Variants in PRMT7 observed in about 807,000 individuals in gnomAD.
The protein encoded by PRMT7 is protein arginine methyltransferase 7.
Under a neutral mutation model 85.4 loss-of-function variants are expected in PRMT7, and 75 were observed. The ratio of observed to expected loss-of-function variants is 0.88; its 90% CI spans 0.73 to 1.06. The LOEUF (loss-of-function observed/expected upper bound fraction) is 1.06. Ranked by LOEUF, PRMT7 falls within the 50% of genes least tolerant of loss-of-function variation. The pLI, the probability that PRMT7 is intolerant of heterozygous loss-of-function variation, is 0.00. For synonymous variants in PRMT7, 397 were observed against 359.5 expected (o/e 1.10, Z -1.18); for missense variants, 868 against 915.2 (o/e 0.95, Z 0.67).
At position 68,311,068 on chromosome 16, in the gene PRMT7, A is replaced by C. The variant is rs1354448200; in HGVS notation, c.-250A>C. 1.3e-6 allele frequency: 1 copy of C among 772,334 alleles called. No individual in the cohort carries two copies. The highest frequency in any genetic ancestry group is 1.5e-5 in the South Asian group (1 of 67,928). The allele number at this position is 772,334 out of a possible 1,614,324, so 47.8% of individuals were successfully genotyped here. A position where few individuals can be genotyped will look rare whatever the true frequency, so the allele number is the denominator to read the frequency against. On this transcript the variant is annotated 5_prime_UTR_variant, in exon 1 of 19. Transcript: ENST00000441236. ...TGCTGGCCGCGGTAAAAGTGGTAGC[A>C]GCGGAGGCGAGCGGAGGGTTTCCCG...
At chr16:68,314,811 C>A (rs1156705938) in intron 2 of PRMT7, among the ~76,000 whole-genome samples, 1 of 152,090 alleles carries the variant, frequency 6.6e-6, no homozygotes, top group Admixed American at 6.6e-5. Flanking sequence ...TTCTCTCCCT[C>A]CCAGAAATAG....
chr16:68,315,859 T>C, intron 2 of PRMT7, 38 bp from the exon 3 acceptor site: 1 of 809,090 alleles, frequency 1.2e-6, no homozygotes, highest in Non-Finnish European at 2.1e-6. Context: ...TTCTGTTCGT[T>C]TGTTTATATA....
At chr16:68,329,911 T>G (rs1304035251) in intron 6 of PRMT7, among the ~76,000 whole-genome samples, 1 of 140,652 alleles carries the variant, frequency 7.1e-6, no homozygotes, top group Non-Finnish European at 1.6e-5. Context: ...ATTTTTTTTT[T>G]GAGACGGAAT....
chr16:68,340,855 A>T (rs1267393293), intron 9 of PRMT7, among the ~76,000 whole-genome samples: 1 of 152,212 alleles, frequency 6.6e-6, no homozygotes, highest in Non-Finnish European at 1.5e-5. Flanking sequence ...GATCAAGTCC[A>T]TTATCCTTTC....
intron 16 of PRMT7, 31 bp downstream of exon 16, chr16:68,353,597 C>T (rs958347871): frequency 6.6e-7 from 1 of 1,508,904 alleles, no homozygotes; most frequent in Non-Finnish European, 8.9e-7. Flanking sequence ...CATAGTACCC[C>T]CGACCTGCTC....
In PRMT7 at chr16:68,321,443, T is replaced by G; in HGVS notation, c.113T>G (p.Met38Arg). Residue 38 changes from methionine to arginine, a missense_variant, in exon 4 of 19, where the codon ATG becomes AGG. Met to Arg is a moderately conservative substitution (Grantham distance 91, BLOSUM62 -1). Coordinates refer to ENST00000441236, the MANE Select transcript of PRMT7 (RefSeq NM_019023.5). ...TTTTTTAGGTCATCTTATGCAGATA[T>G]GCTACATGACAAAGACAGAGTAAGT... ...QEIARSSYADMLHDKDRNVKY... is the reference protein window; with the variant it reads ...QEIARSSYADRLHDKDRNVKY... 6.2e-7 allele frequency: 1 copy of G among 1,610,988 alleles called. No homozygotes were observed. Among genetic ancestry groups the G allele is most frequent in the East Asian group, 2.2e-5 (1 of 44,844 alleles).
intron 7 of PRMT7, among the ~76,000 whole-genome samples, chr16:68,339,078 G>A (rs111481916): frequency 5.9e-5 from 9 of 152,298 alleles, no homozygotes; most frequent in East Asian, 5.8e-4. Flanking sequence ...GTGCCAGGTA[G>A]CCAGGAACTT....
intron 17 of PRMT7, 70 bp from the exon 18 acceptor site, chr16:68,356,631 C>T: frequency 8.2e-7 from 1 of 1,222,156 alleles, no homozygotes; most frequent in Non-Finnish European, 1.2e-6. Context: ...TGGAAAGCCG[C>T]AGGAGCTGCA....
At position 68,316,165 on chromosome 16, in the gene PRMT7, C is replaced by CTG. The variant is rs1454515013; in HGVS notation, c.95+93_95+94dup. 3 of 1,122,200 alleles carry CTG rather than the reference C, an allele frequency of 2.7e-6. 1 individual carries two copies. The Admixed American group carries it at 5.8e-5, about 22-fold the overall frequency. The allele number at this position is 1,122,200 out of a possible 1,614,324, so 69.5% of individuals were successfully genotyped here. On this transcript the variant is annotated intron_variant, in intron 3 of 18. Coordinates refer to ENST00000441236, the MANE Select transcript of PRMT7 (RefSeq NM_019023.5). ...GGCTCCAGTCTGAGCGTGGGCTAGG[C>CTG]TGTCACCCAGTGCTTATGATGAGGG...
At chr16:68,328,747 C>T (rs1464634789) in intron 5 of PRMT7, among the ~76,000 whole-genome samples, 1 of 152,068 alleles carries the variant, frequency 6.6e-6, no homozygotes, top group Non-Finnish European at 1.5e-5. Flanking sequence ...AGCACGCCTC[C>T]CAGGTTCGTG....
In PRMT7 at chr16:68,329,285, C is replaced by T. The variant is rs2083519827; in HGVS notation, c.391+111C>T. On this transcript the variant is annotated intron_variant, in intron 6 of 18. Coordinates refer to ENST00000441236, the MANE Select transcript of PRMT7 (RefSeq NM_019023.5). ...CCAGGTCATAGCATAGAAGTGGGACCTCTCTGTGTGGAGCTCTGACAGTAA... is the reference window on the plus strand; with the variant it reads ...CCAGGTCATAGCATAGAAGTGGGACTTCTCTGTGTGGAGCTCTGACAGTAA... The T allele has an allele frequency of 1.2e-5, 9 of 726,232 alleles. No individual in the cohort carries two copies. The South Asian group carries it at 1.5e-4, about 12-fold the overall frequency. 45.0% of individuals were successfully genotyped at this position (726,232 alleles called of 1,614,324 possible).
At chr16:68,355,551 TGA>T (rs2088245121) in intron 16 of PRMT7, 170 bp from the exon 17 acceptor site, 3 of 575,434 alleles carry the variant, frequency 5.2e-6, no homozygotes, top group Non-Finnish European at 8.1e-6. Flanking sequence ...GAGCCACTGA[TGA>T]GAGAGAAGTG....
intron 9 of PRMT7, 123 bp from the exon 10 acceptor site, chr16:68,345,552 A>G (rs2086226674): frequency 7.2e-7 from 1 of 1,394,218 alleles, no homozygotes; most frequent in African/African-American, 1.4e-5. Context: ...TGGCCACAAT[A>G]GCCAGCTGTA....
chr16:68,318,457 C>T (rs1203917995), intron 3 of PRMT7, among the ~76,000 whole-genome samples: 2 of 152,214 alleles, frequency 1.3e-5, no homozygotes, highest in African/African-American at 4.8e-5. Flanking sequence ...CCTCGGCCTC[C>T]CAAAGAGCTG....
chr16:68,311,327 A>G (rs1243041520), intron 1 of PRMT7: 4 of 317,354 alleles, frequency 1.3e-5, no homozygotes, highest in East Asian at 2.1e-4. Context: ...GCTCTGTCGC[A>G]GTACTCGTGC....
chr16:68,346,861 G>T (rs2151835681), intron 11 of PRMT7, among the ~76,000 whole-genome samples: 1 of 152,284 alleles, frequency 6.6e-6, no homozygotes, highest in Middle Eastern at 3.4e-3. Context: ...CCTTTGGGCA[G>T]TCAATTGTGA....
chr16:68,315,896 G>T lies in PRMT7; in HGVS notation c.-83-1G>T. The T allele has an allele frequency of 8.9e-7, 1 of 1,122,512 alleles. No individual in the cohort carries two copies. Among genetic ancestry groups the T allele is most frequent in the South Asian group, 1.3e-5 (1 of 77,436 alleles). The allele number at this position is 1,122,512 out of a possible 1,614,324, so 69.5% of individuals were successfully genotyped here. A position where few individuals can be genotyped will look rare whatever the true frequency, so the allele number is the denominator to read the frequency against. On this transcript the variant is annotated splice_acceptor_variant, in intron 2 of 18. Transcript: ENST00000441236. LOFTEE classifies it low-confidence loss of function (5UTR_SPLICE). Reference sequence around the variant, plus strand: ...CTCCTGTTTCCTTCTGATGTTAATAGATTTCTGACAGTCAGACTTGTCCAC... The same window carrying T: ...CTCCTGTTTCCTTCTGATGTTAATATATTTCTGACAGTCAGACTTGTCCAC...
At chr16:68,359,331 CG>C (rs1356314743), downstream of PRMT7, 2 of 152,386 alleles carry the variant, frequency 1.3e-5, no homozygotes, top group Non-Finnish European at 2.9e-5. Flanking sequence ...AGGGGTGGGC[CG>C]GGCAGAGAGC....
intron 18 of PRMT7, 38 bp from the exon 19 acceptor site, chr16:68,357,016 A>C (rs777425854): frequency 6.4e-7 from 1 of 1,567,650 alleles, no homozygotes; most frequent in Non-Finnish European, 8.7e-7. Context: ...CTCAGGTGCC[A>C]GGGAGCCCTC....
Sources: gnomAD v4.1 joint callset for allele counts (sites outside exome capture counted in the v4.1 genomes callset) on GRCh38, gnomAD v4.1.1 for gene constraint, MANE v1.5 for transcripts, NCBI Gene and HGNC (gene_info 2026-07-23, HGNC 2026-07-21) for gene names.